The following KIF22 variants were observed in gnomAD, a reference collection of about 807,000 sequenced individuals.
KIF22 encodes kinesin-like protein KIF22.
KIF22 carries 62 observed loss-of-function variants against 73.0 expected under a neutral mutation model. That is an observed-to-expected ratio of 0.85 (90% CI 0.69 to 1.05). The LOEUF is 1.05. KIF22 is among the 50% of genes least tolerant of loss of function. The pLI, the probability that KIF22 is intolerant of heterozygous loss-of-function variation, is 0.00. For missense variants in KIF22, 854 were observed against 870.1 expected, an observed-to-expected ratio of 0.98 and a Z score of 0.23; for synonymous variants, 411 against 340.1, an observed-to-expected ratio of 1.21 and a Z score of -2.29.
Position 29,790,805 on chromosome 16 carries a change from G to C in KIF22, c.46G>C (p.Ala16Pro). 6.2e-7 allele frequency: 1 copy of C among 1,604,638 alleles called. No homozygotes were observed. Among genetic ancestry groups the C allele is most frequent in the Non-Finnish European group, 8.5e-7 (1 of 1,175,752 alleles). ...GCAGCAGAGGCGACGCGAGATGGCG[G>C]CAGCTTCAGCGGCGGCGATCTCAGG... ...STQQRRREMA[A>P]ASAAAISGAG... Residue 16 changes from alanine to proline, a missense_variant, in exon 1 of 14, where the codon GCA becomes CCA. By Grantham distance (27) the Ala-to-Pro change is conservative (BLOSUM62 -1). Around this residue, in one of 3 missense-constraint regions of KIF22, gnomAD observed 186 missense variants for 152.9 expected, o/e 1.22. Coordinates refer to ENST00000160827, the MANE Select transcript of KIF22 (RefSeq NM_007317.3).
chr16:29,804,943 G>A lies in KIF22; in HGVS notation c.1807G>A (p.Asp603Asn). 3 of 1,613,514 alleles carry A rather than the reference G, an allele frequency of 1.9e-6. No individual in the cohort carries two copies. Among genetic ancestry groups the A allele is most frequent in the South Asian group, 1.1e-5 (1 of 91,064 alleles). ...TCTGCTGAACGAAGGCTCAGCCCGA[G>A]ATCTCCGCAGTCTTCAGCGCATTGG... ...LDLLNEGSAR[D>N]LRSLQRIGPK... is the part of the protein sequence containing the mutation. The change falls in exon 12 of 14, where the codon GAT (aspartate) becomes AAT (asparagine). Residue 603 changes from aspartate to asparagine, a missense_variant. This residue lies in a region of KIF22 where 423 missense variants were observed against 365.4 expected (regional missense o/e 1.16). Transcript: ENST00000160827.
chr16:29,793,806 C>T (rs1396297979), intron 1 of KIF22, among the ~76,000 whole-genome samples: 1 of 151,948 alleles, frequency 6.6e-6, no homozygotes, highest in African/African-American at 2.4e-5. Context: ...TAGACGGATC[C>T]TAGGATGAGG....
Position 29,803,433 on chromosome 16 carries a change from T to TG in KIF22, c.1450-15dup. ...GAGTTGGGTCTGGATCACATCTCCCTGATCCTTTCCAACAGAGGCTTAAGA... is the reference window on the plus strand; with the variant it reads ...GAGTTGGGTCTGGATCACATCTCCCTGGATCCTTTCCAACAGAGGCTTAAGA... On this transcript the variant is annotated splice_polypyrimidine_tract_variant and intron_variant, in intron 9 of 13. Transcript: ENST00000160827. 6.2e-7 allele frequency: 1 copy of TG among 1,613,716 alleles called. No individual in the cohort carries two copies. The highest frequency in any genetic ancestry group is 8.5e-7 in the Non-Finnish European group (1 of 1,179,864).
At position 29,803,993 on chromosome 16, in the gene KIF22, T is replaced by G. The variant is rs1460846577; in HGVS notation, c.1610-5T>G. On this transcript the variant is annotated splice_region_variant and splice_polypyrimidine_tract_variant and intron_variant, in intron 10 of 13. Coordinates refer to ENST00000160827, the MANE Select transcript of KIF22 (RefSeq NM_007317.3). The stretch of plus-strand genomic sequence containing the variant: ...CTGACTCCAATTCTCGATTCCTACT[T>G]TCAGTTCAGGAGCAGGCAGCATCCC... 1 of 1,612,506 alleles carries G rather than the reference T, an allele frequency of 6.2e-7. No homozygotes were observed. The highest frequency in any genetic ancestry group is 1.7e-5 in the Admixed American group (1 of 60,002).
rs1461667038 is a variant in KIF22 at position 29,799,044 on chromosome 16, A to C, written c.619A>C (p.Ile207Leu). Residue 207 changes from isoleucine to leucine, a missense_variant, in exon 5 of 14, where the codon ATT becomes CTT. By Grantham distance (5) the Ile-to-Leu change is conservative (BLOSUM62 2). This residue lies in a region of KIF22 where 245 missense variants were observed against 351.8 expected (regional missense o/e 0.70). Transcript: ENST00000160827. ...AGAAGACTGCCGGGGGAATATCCTG[A>C]TTCCGGGTCTCTCCCAGAAGCCCAT... ...IREDCRGNIL[I>L]PGLSQKPISS... 1.2e-6 allele frequency: 2 copies of C among 1,614,158 alleles called. No individual in the cohort carries two copies. Among genetic ancestry groups the C allele is most frequent in the Non-Finnish European group, 1.7e-6 (2 of 1,180,020 alleles).
intron 1 of KIF22, among the ~76,000 whole-genome samples, chr16:29,791,933 C>T (rs1898829775): frequency 1.3e-5 from 2 of 152,100 alleles, no homozygotes; most frequent in Admixed American, 1.3e-4. Context: ...GTCCCTTCCT[C>T]GAGGAATTTA....
In KIF22 at chr16:29,797,140, G is replaced by A; in HGVS notation, c.266+52G>A. ...TCATGCCATCACCTCCCTCTCCTAG[G>A]CCTGCCCACGTTCCCCTGCCTCCCC... On this transcript the variant is annotated intron_variant, in intron 2 of 13. Transcript: ENST00000160827. The surrounding 1 kb of genome is among the most constrained non-coding windows in gnomAD (Gnocchi z 4.1). 1 of 1,369,600 alleles carries A rather than the reference G, an allele frequency of 7.3e-7. No individual in the cohort carries two copies. The allele number at this position is 1,369,600 out of a possible 1,614,324, so 84.8% of individuals were successfully genotyped here. A position where few individuals can be genotyped will look rare whatever the true frequency, so the allele number is the denominator to read the frequency against.
At position 29,805,370 on chromosome 16, in the gene KIF22, A is replaced by C; in HGVS notation, c.*60A>C. 1.9e-6 allele frequency: 3 copies of C among 1,557,466 alleles called. No individual in the cohort carries two copies. Among genetic ancestry groups the C allele is most frequent in the Non-Finnish European group, 2.6e-6 (3 of 1,139,452 alleles). The stretch of plus-strand genomic sequence containing the variant: ...GTATAACCCCGTGTTGTGTAAATAC[A>C]GTTTTTGCTCCGGTGCTTCCGCCTG... On this transcript the variant is annotated 3_prime_UTR_variant, in exon 14 of 14. Transcript: ENST00000160827.
At chr16:29,801,424 G>A (rs535428189) in intron 8 of KIF22, among the ~76,000 whole-genome samples, 9 of 152,284 alleles carry the variant, frequency 5.9e-5, no homozygotes, top group African/African-American at 1.7e-4. Context: ...GTCCCAGGGG[G>A]CTACTGTAGT....
rs143337481 is a variant in KIF22, at chr16:29,799,280, G to A, written c.776G>A (p.Arg259His). The change falls in exon 6 of 14, where the codon CGT (arginine) becomes CAT (histidine). Residue 259 changes from arginine to histidine, a missense_variant. Arg to His is a conservative substitution (Grantham distance 29, BLOSUM62 0). Transcript: ENST00000160827. ...TACCCCCAGGTGGACCAGCGGGAAC[G>A]TTTGGCCCCATTTCGCCAGCGAGAG... ...VLLVKVDQRE[R>H]LAPFRQREGK... is the part of the protein sequence containing the mutation. The A allele has an allele frequency of 3.5e-5, 57 of 1,613,904 alleles. 1 individual carries two copies. The highest frequency in any genetic ancestry group is 5.0e-5 in the Admixed American group (3 of 59,960).
rs779016033 is a variant in KIF22 at position 29,798,396 on chromosome 16, A to G, written c.289A>G (p.Arg97Gly). Residue 97 changes from arginine to glycine, a missense_variant, in exon 3 of 14, where the codon AGG (arginine) becomes GGG (glycine). Physicochemically the swap from Arg to Gly is moderately radical, Grantham distance 125 (BLOSUM62 -2). Around this residue, in one of 3 missense-constraint regions of KIF22, gnomAD observed 186 missense variants for 152.9 expected, o/e 1.22. Transcript: ENST00000160827. The surrounding 1 kb of genome is among the most constrained non-coding windows in gnomAD (Gnocchi z 4.1). Reference sequence around the variant, plus strand: ...CAGGTTTGATGCCTTCTATGGGGAGAGGAGTACTCAGCAGGACATCTATGC... The same window carrying G: ...CAGGTTTGATGCCTTCTATGGGGAGGGGAGTACTCAGCAGGACATCTATGC... Reference protein sequence around the residue: ...KYQFDAFYGERSTQQDIYAGS... With the variant: ...KYQFDAFYGEGSTQQDIYAGS... 6.4e-7 allele frequency: 1 copy of G among 1,559,284 alleles called. No homozygotes were observed. The highest frequency in any genetic ancestry group is 1.1e-5 in the South Asian group (1 of 90,312).
chr16:29,803,977 A>G, intron 10 of KIF22, 21 bp from the exon 11 acceptor site: 1 of 1,607,118 alleles, frequency 6.2e-7, no homozygotes, highest in Non-Finnish European at 8.5e-7. Flanking sequence ...CCTGACTCCA[A>G]TTCTCGATTC....
rs771855229 is a variant in KIF22, at chr16:29,797,021, C to G, written c.199C>G (p.Arg67Gly). 1 of 1,613,222 alleles carries G rather than the reference C, an allele frequency of 6.2e-7. No individual in the cohort carries two copies. Among genetic ancestry groups the G allele is most frequent in the South Asian group, 1.1e-5 (1 of 90,992 alleles). The change falls in exon 2 of 14, where the codon CGG becomes GGG. Residue 67 changes from arginine to glycine, a missense_variant. This residue lies in a region of KIF22 where 186 missense variants were observed against 152.9 expected (regional missense o/e 1.22). Coordinates refer to ENST00000160827, the MANE Select transcript of KIF22 (RefSeq NM_007317.3). This position sits in a 1 kb window ranked among gnomAD's most constrained non-coding sequence, Gnocchi z 4.1. ...TAGASDPPCV[R>G]GMDSCSLEIA... ...GGGAGCAAGTGATCCCCCCTGTGTG[C>G]GGGGCATGGACAGCTGCTCTCTAGA...
rs1898804237 is a variant in KIF22, at chr16:29,791,183, G to A, written c.70+354G>A. The A allele has an allele frequency of 4.3e-6, 5 of 1,162,696 alleles. No homozygotes were observed. The South Asian group carries it at 1.0e-4, about 23-fold the overall frequency. The allele number at this position is 1,162,696 out of a possible 1,614,324, so 72.0% of individuals were successfully genotyped here. On this transcript the variant is annotated intron_variant, in intron 1 of 13. Coordinates refer to ENST00000160827, the MANE Select transcript of KIF22 (RefSeq NM_007317.3). ...CTGAATAAGCAAGAGAAGAGTGGCG[G>A]ACGCTCTAGCCACGAGGACGAGAAG...
Position 29,790,816 on chromosome 16 carries a change from G to C in KIF22, c.57G>C (p.Ala19=). 6.2e-7 allele frequency: 1 copy of C among 1,602,566 alleles called. No individual in the cohort carries two copies. The highest frequency in any genetic ancestry group is 8.5e-7 in the Non-Finnish European group (1 of 1,174,754). The change falls in exon 1 of 14, where the codon GCG becomes GCC. Residue 19 remains alanine (A), a synonymous_variant. Transcript: ENST00000160827. The part of the protein sequence containing the change: ...QRRREMAAAS[A]AAISGAGRCR... Reference sequence around the variant, plus strand: ...GACGCGAGATGGCGGCAGCTTCAGCGGCGGCGATCTCAGGTACTTGAGCCC... The same window carrying C: ...GACGCGAGATGGCGGCAGCTTCAGCCGCGGCGATCTCAGGTACTTGAGCCC...
chr16:29,792,956 G>A (rs913501835), intron 1 of KIF22, among the ~76,000 whole-genome samples: 1 of 152,228 alleles, frequency 6.6e-6, no homozygotes, highest in Non-Finnish European at 1.5e-5. Flanking sequence ...AGTGGGAGTG[G>A]AGAGAAGTGG....
At position 29,798,680 on chromosome 16, in the gene KIF22, A is replaced by C; in HGVS notation, c.482A>C (p.Glu161Ala). ...GACCTCCTGCAGCTCACAAGGGAGG[A>C]GGGTGCCGAGGGCCGGCCATGGGCC... ...LMDLLQLTRE[E>A]GAEGRPWALS... The change falls in exon 4 of 14, where the codon GAG becomes GCG. Residue 161 changes from glutamate (E) to alanine (A), a missense_variant. Coordinates refer to ENST00000160827, the MANE Select transcript of KIF22 (RefSeq NM_007317.3). The surrounding 1 kb of genome is among the most constrained non-coding windows in gnomAD (Gnocchi z 4.1). 2 of 1,614,100 alleles carry C rather than the reference A, an allele frequency of 1.2e-6. No individual in the cohort carries two copies. The highest frequency in any genetic ancestry group is 1.7e-6 in the Non-Finnish European group (2 of 1,180,010).
At chr16:29,802,524 G>T (rs971153795) in intron 8 of KIF22, among the ~76,000 whole-genome samples, 1 of 152,080 alleles carries the variant, frequency 6.6e-6, no homozygotes, top group African/African-American at 2.4e-5. Flanking sequence ...GTGCCTCCAG[G>T]GCAGGGCAGT....
Position 29,802,909 on chromosome 16 carries a change from C to T in KIF22, c.1421C>T (p.Thr474Ile). 6.2e-7 allele frequency: 1 copy of T among 1,612,782 alleles called. No homozygotes were observed. ...CGAGAGCGGATGGTGCTAATGAAGA[C>T]AGTGGAAGAGAAGGACCTAGAGATT... The part of the protein sequence containing the change: ...PKRERMVLMK[T>I]VEEKDLEIER... The change falls in exon 9 of 14, where the codon ACA becomes ATA. Residue 474 changes from threonine (T) to isoleucine (I), a missense_variant. Around this residue, in one of 3 missense-constraint regions of KIF22, gnomAD observed 423 missense variants for 365.4 expected, o/e 1.16. Transcript: ENST00000160827.
Sources: allele counts gnomAD v4.1 joint callset (sites outside exome capture counted in the v4.1 genomes callset), GRCh38; gene constraint gnomAD v4.1.1; regional missense constraint gnomAD v4.1.1; non-coding constraint Gnocchi (gnomAD v3.1); transcripts MANE v1.5; gene names NCBI Gene and HGNC (gene_info 2026-07-23, HGNC 2026-07-21).